TMEM181: variants seen among roughly 807,000 people sequenced by gnomAD.
The protein encoded by TMEM181 is transmembrane protein 181.
TMEM181 carries 39 observed loss-of-function variants against 71.9 expected under a neutral mutation model. The observed-to-expected ratio is 0.54, with a 90% CI of 0.42 to 0.71. The LOEUF is 0.71. Among genes scored for constraint, TMEM181 ranks in the 30% least tolerant of loss-of-function variants. The pLI is 0.00. For synonymous variants in TMEM181, 245 were observed against 228.8 expected, an observed-to-expected ratio of 1.07 and a Z score of -0.64; for missense variants, 595 against 583.0, an observed-to-expected ratio of 1.02 and a Z score of -0.21.
At chr6:158,575,500 TAG>T (rs1439681376) in intron 2 of TMEM181, among the ~76,000 whole-genome samples, 1 of 152,182 alleles carries the variant, frequency 6.6e-6, no homozygotes, top group Non-Finnish European at 1.5e-5. Context: ...GTATTTTTAG[TAG>T]AGACAGGGTT....
chr6:158,589,750 C>G lies in TMEM181; in HGVS notation c.460C>G (p.Leu154Val). ...TACAGTGATAGTGGGATTTGAACACCTGAAGCTCCCCATCAAGGGAATGAA... is the reference window on the plus strand; with the variant it reads ...TACAGTGATAGTGGGATTTGAACACGTGAAGCTCCCCATCAAGGGAATGAA... ...QYTVIVGFEH[L>V]KLPIKGMNFT... Residue 154 changes from leucine (L) to valine (V), a missense_variant, in exon 6 of 17, where the codon CTG becomes GTG. Transcript: ENST00000684151. 1 of 1,614,060 alleles carries G rather than the reference C, an allele frequency of 6.2e-7. No individual in the cohort carries two copies. Among genetic ancestry groups the G allele is most frequent in the Non-Finnish European group, 8.5e-7 (1 of 1,179,942 alleles).
In TMEM181 at chr6:158,631,315, G is replaced by A. The variant is rs1314270458; in HGVS notation, c.1283-8G>A. On this transcript the variant is annotated splice_polypyrimidine_tract_variant and splice_region_variant and intron_variant, in intron 15 of 16. Transcript: ENST00000684151. ...GCTTGAGATGCAAATGCTCTTGTTG[G>A]TTTTCAGAGTCCCAGCTGAAAGACA... 6.2e-7 allele frequency: 1 copy of A among 1,614,138 alleles called. No homozygotes were observed. Among genetic ancestry groups the A allele is most frequent in the Admixed American group, 1.7e-5 (1 of 60,024 alleles).
rs1786722469 is a variant in TMEM181, at chr6:158,632,575, T to C, written c.*687T>C. 1 of 152,484 alleles carries C rather than the reference T, an allele frequency of 6.6e-6. No homozygotes were observed. Among genetic ancestry groups the C allele is most frequent in the Non-Finnish European group, 1.5e-5 (1 of 68,242 alleles). 9.4% of individuals were successfully genotyped at this position (152,484 alleles called of 1,614,324 possible). ...TGAATAAGGAAAGGCTAAGATAATT[T>C]ACAGGTTACCAACTCATGTGGGGAA... On this transcript the variant is annotated 3_prime_UTR_variant, in exon 17 of 17. Coordinates refer to ENST00000684151, the MANE Select transcript of TMEM181 (RefSeq NM_001376852.1).
intron 5 of TMEM181, among the ~76,000 whole-genome samples, chr6:158,587,143 G>A (rs867639597): frequency 2.6e-5 from 4 of 152,326 alleles, no homozygotes; most frequent in Middle Eastern, 6.8e-3. Context: ...TGCTTGCACT[G>A]AGTGGTTGCT....
intron 6 of TMEM181, among the ~76,000 whole-genome samples, chr6:158,598,507 C>T (rs573104252): frequency 2.4e-4 from 36 of 152,164 alleles, no homozygotes; most frequent in African/African-American, 7.7e-4. Context: ...GAGTGTCTCC[C>T]AGCTTCTGAG....
intron 2 of TMEM181, 83 bp downstream of exon 2, chr6:158,573,606 C>T: frequency 8.3e-7 from 1 of 1,203,690 alleles, no homozygotes; most frequent in Non-Finnish European, 1.2e-6. Flanking sequence ...CAGCTGTGCC[C>T]CTATCTTCCA....
At chr6:158,554,846 GTAT>G (rs1478661946) in intron 1 of TMEM181, among the ~76,000 whole-genome samples, 1 of 152,228 alleles carries the variant, frequency 6.6e-6, no homozygotes, top group East Asian at 1.9e-4. Flanking sequence ...GATCCAAATT[GTAT>G]TATTGACAAA....
chr6:158,625,711 T>G lies in TMEM181; in HGVS notation c.1066T>G (p.Leu356Val). 6.2e-7 allele frequency: 1 copy of G among 1,610,184 alleles called. No individual in the cohort carries two copies. Among genetic ancestry groups the G allele is most frequent in the Non-Finnish European group, 8.5e-7 (1 of 1,179,052 alleles). The change falls in exon 13 of 17, where the codon TTG (leucine) becomes GTG (valine). Residue 356 changes from leucine (L) to valine (V), a missense_variant. Coordinates refer to ENST00000684151, the MANE Select transcript of TMEM181 (RefSeq NM_001376852.1). Reference protein sequence around the residue: ...LRHMPYVDLRLKFLTALTFVV... With the variant: ...LRHMPYVDLRVKFLTALTFVV... Reference sequence around the variant, plus strand: ...GTTTCTTTCTTTTTCAGATCTCAGGTTGAAATTTTTGACTGCATTGACTTT... The same window carrying G: ...GTTTCTTTCTTTTTCAGATCTCAGGGTGAAATTTTTGACTGCATTGACTTT...
At chr6:158,630,907 C>G (rs1786625499) in intron 15 of TMEM181, among the ~76,000 whole-genome samples, 3 of 152,098 alleles carry the variant, frequency 2.0e-5, no homozygotes, top group South Asian at 2.1e-4. Flanking sequence ...TTCACAGCAA[C>G]TTTATGATAA....
At chr6:158,611,320 G>T (rs538101082) in intron 10 of TMEM181, 1 of 507,846 alleles carries the variant, frequency 2.0e-6, no homozygotes, top group Non-Finnish European at 4.0e-6. Context: ...GGGACACTCT[G>T]CTATGCTTGG....
chr6:158,606,147 G>A (rs1327061338), intron 7 of TMEM181, among the ~76,000 whole-genome samples: 1 of 151,958 alleles, frequency 6.6e-6, no homozygotes, highest in African/African-American at 2.4e-5. Context: ...AGAGCCACAG[G>A]GAGCTGGAGG....
chr6:158,562,847 C>G (rs564859300), intron 1 of TMEM181, among the ~76,000 whole-genome samples: 125 of 152,298 alleles, frequency 8.2e-4, no homozygotes, highest in African/African-American at 2.8e-3. Flanking sequence ...TCCATTGTTT[C>G]GTGGAATCCT....
At chr6:158,570,709 C>T (rs1255260185) in intron 1 of TMEM181, among the ~76,000 whole-genome samples, 2 of 147,274 alleles carry the variant, frequency 1.4e-5, no homozygotes, top group Non-Finnish European at 3.0e-5. Flanking sequence ...CTGTGGCTTC[C>T]CCTCAGGGGG....
chr6:158,580,505 T>A (rs1193943584), intron 2 of TMEM181, among the ~76,000 whole-genome samples: 1 of 151,904 alleles, frequency 6.6e-6, no homozygotes, highest in East Asian at 1.9e-4. Context: ...TTATAGCCCT[T>A]AATAAGTATT....
intron 6 of TMEM181, among the ~76,000 whole-genome samples, chr6:158,597,614 C>T (rs1034163817): frequency 6.6e-6 from 1 of 152,178 alleles, no homozygotes; most frequent in Non-Finnish European, 1.5e-5. Flanking sequence ...GATCCTTCCA[C>T]CTCAGTCTCC....
At chr6:158,631,506 G>A in intron 16 of TMEM181, 117 bp downstream of exon 16, 1 of 1,148,484 alleles carries the variant, frequency 8.7e-7, no homozygotes, top group East Asian at 2.4e-5. Flanking sequence ...CATTTACCTT[G>A]GAGTGTCAAG....
At chr6:158,536,686 CG>C (rs1562607716) in exon 1 of TMEM181, 1 of 1,535,946 alleles carries the variant, frequency 6.5e-7, no homozygotes, top group South Asian at 1.2e-5. Context: ...GCGCAGGCGG[CG>C]ACACAAAGGG....
intron 13 of TMEM181, chr6:158,626,302 CAG>C: frequency 2.3e-6 from 1 of 437,538 alleles, no homozygotes; most frequent in Non-Finnish European, 4.6e-6. Context: ...GGTAGAGGAA[CAG>C]AGCGGTCTGG....
At chr6:158,549,644 T>C (rs977426844) in intron 1 of TMEM181, among the ~76,000 whole-genome samples, 1 of 152,174 alleles carries the variant, frequency 6.6e-6, no homozygotes, top group Non-Finnish European at 1.5e-5. Context: ...GTAAGCTCTG[T>C]GCGTAGTCAG....
Sources: gnomAD v4.1 joint callset for allele counts (sites outside exome capture counted in the v4.1 genomes callset) on GRCh38, gnomAD v4.1.1 for gene constraint, MANE v1.5 for transcripts, NCBI Gene and HGNC (gene_info 2026-07-23, HGNC 2026-07-21) for gene names.